FLT1: variants seen among roughly 807,000 people sequenced by gnomAD.
FLT1 encodes the protein vascular endothelial growth factor receptor 1.
Under a neutral mutation model 156.3 loss-of-function variants are expected in FLT1, and 49 were observed. The ratio of observed to expected loss-of-function variants is 0.31; its 90% CI spans 0.25 to 0.40. The LOEUF (loss-of-function observed/expected upper bound fraction) is 0.40. Among genes scored for constraint, FLT1 ranks in the 10% least tolerant of loss-of-function variants. FLT1 has a pLI of 1.00. For missense variants in FLT1, 1,322 were observed against 1,637.2 expected (o/e 0.81, Z 3.32); for synonymous variants, 594 against 583.8 (o/e 1.02, Z -0.25).
At chr13:28,450,870 C>T (rs1461416563) in intron 3 of FLT1, among the ~76,000 whole-genome samples, 1 of 152,150 alleles carries the variant, frequency 6.6e-6, no homozygotes, top group African/African-American at 2.4e-5. Flanking sequence ...TAGTCTCCCT[C>T]CACCACACCA....
intron 12 of FLT1, among the ~76,000 whole-genome samples, chr13:28,394,132 A>T (rs2137467421): frequency 6.6e-6 from 1 of 152,352 alleles, no homozygotes; most frequent in Non-Finnish European, 1.5e-5. Flanking sequence ...GAGAAAGATA[A>T]TAATTATTTA....
chr13:28,433,162 C>A (rs1417353680), intron 6 of FLT1, among the ~76,000 whole-genome samples: 2 of 152,172 alleles, frequency 1.3e-5, no homozygotes, highest in Admixed American at 6.5e-5. Flanking sequence ...GAAATGGGGG[C>A]TAGAACTACT....
intron 11 of FLT1, among the ~76,000 whole-genome samples, chr13:28,405,161 T>C (rs545911072): frequency 6.6e-6 from 1 of 152,248 alleles, no homozygotes; most frequent in African/African-American, 2.4e-5. Context: ...CTGACAGGCT[T>C]GTTAGCTATT....
intron 10 of FLT1, among the ~76,000 whole-genome samples, chr13:28,412,381 T>TTTCTTTCTTCCTTTCTTTCC: frequency 1.1e-5 from 1 of 88,208 alleles, no homozygotes; most frequent in Non-Finnish European, 2.5e-5. Flanking sequence ...TCTTTCTTTC[T>TTTCTTTCTTCCTTTCTTTCC]TTCTTTCTTT....
chr13:28,384,159 C>T (rs981032576), intron 14 of FLT1, among the ~76,000 whole-genome samples: 10 of 152,096 alleles, frequency 6.6e-5, no homozygotes, highest in Admixed American at 2.6e-4. Context: ...ACTGGCCAGA[C>T]GCAGTGGCAT....
chr13:28,372,566 GTATATA>G (rs57608920), intron 14 of FLT1, among the ~76,000 whole-genome samples: 9,879 of 91,214 alleles, frequency 0.11, 738 homozygotes, highest in African/African-American at 0.13. Context: ...TAAATAAAAT[GTATATA>G]TATATATATA....
At chr13:28,386,086 C>T in intron 13 of FLT1, 1 of 1,054,662 alleles carries the variant, frequency 9.5e-7, no homozygotes, top group Non-Finnish European at 1.1e-6. Flanking sequence ...TTCAATTATA[C>T]AGTATGAGCT....
chr13:28,361,963 C>G (rs1012092318), intron 14 of FLT1, among the ~76,000 whole-genome samples: 2 of 152,154 alleles, frequency 1.3e-5, no homozygotes, highest in African/African-American at 4.8e-5. Context: ...GAGAATACAG[C>G]TGGACTGGAA....
At chr13:28,355,686 A>G (rs1446778361) in intron 15 of FLT1, among the ~76,000 whole-genome samples, 2 of 152,188 alleles carry the variant, frequency 1.3e-5, no homozygotes, top group Admixed American at 1.3e-4. Flanking sequence ...AACAGAGGCC[A>G]CGCTTGGCGT....
chr13:28,302,844 G>C lies in FLT1; in HGVS notation c.*323C>G, dbSNP rs1870567816. The C allele has an allele frequency of 2.3e-6, 1 of 437,992 alleles. No homozygotes were observed. Among genetic ancestry groups the C allele is most frequent in the Non-Finnish European group, 4.2e-6 (1 of 236,832 alleles). The allele number at this position is 437,992 out of a possible 1,614,324, so 27.1% of individuals were successfully genotyped here. On this transcript the variant is annotated 3_prime_UTR_variant, in exon 30 of 30. Transcript: ENST00000282397. ...CGTGATGCATTGGGTGATCAGTGCA[G>C]CTCCTCAATCAAACTGGTCCTGCGT...
At chr13:28,418,216 C>T (rs558659215) in intron 10 of FLT1, among the ~76,000 whole-genome samples, 1 of 152,300 alleles carries the variant, frequency 6.6e-6, no homozygotes, top group South Asian at 2.1e-4. Context: ...GCTCATCCCA[C>T]TGGAGTTTAT....
chr13:28,306,281 G>C (rs1046664385), intron 29 of FLT1, among the ~76,000 whole-genome samples: 2 of 152,158 alleles, frequency 1.3e-5, no homozygotes, highest in African/African-American at 4.8e-5. Flanking sequence ...TCTTAGCCCC[G>C]GAAAACAGTA....
intron 1 of FLT1, among the ~76,000 whole-genome samples, chr13:28,476,033 T>C: frequency 6.6e-6 from 1 of 152,170 alleles, no homozygotes; most frequent in East Asian, 1.9e-4. Flanking sequence ...GATACTAATT[T>C]TTAAAATGTC....
At chr13:28,308,523 G>A (rs1870848020) in intron 28 of FLT1, 1 of 385,578 alleles carries the variant, frequency 2.6e-6, no homozygotes, top group African/African-American at 2.1e-5. Context: ...ACACAGCTGG[G>A]AGTTCCTCTG....
chr13:28,424,568 T>G (rs941255572), intron 10 of FLT1, among the ~76,000 whole-genome samples: 3 of 152,246 alleles, frequency 2.0e-5, no homozygotes, highest in Admixed American at 6.5e-5. Context: ...TCTGAACCTC[T>G]TTCTATAGTA....
At chr13:28,464,580 ATAAAAG>A (rs1879752184) in intron 3 of FLT1, among the ~76,000 whole-genome samples, 1 of 152,276 alleles carries the variant, frequency 6.6e-6, no homozygotes. Flanking sequence ...CACATTGCAG[ATAAAAG>A]TAACCAGGAC....
At chr13:28,424,803 G>A (rs1181922876) in intron 10 of FLT1, among the ~76,000 whole-genome samples, 1 of 152,180 alleles carries the variant, frequency 6.6e-6, no homozygotes, top group African/African-American at 2.4e-5. Flanking sequence ...ATAGACACCA[G>A]TATGCAAATA....
At chr13:28,492,883 A>C (rs79377967) in intron 1 of FLT1, among the ~76,000 whole-genome samples, 2 of 152,212 alleles carry the variant, frequency 1.3e-5, no homozygotes, top group Non-Finnish European at 2.9e-5. Context: ...TGTTCTGTTA[A>C]CTGTTAGGTA....
intron 19 of FLT1, 99 bp downstream of exon 19, chr13:28,329,516 G>T: frequency 2.3e-6 from 2 of 859,656 alleles, no homozygotes; most frequent in South Asian, 1.4e-5. Flanking sequence ...TCCTGGAGGC[G>T]AGGAAGCACA....
Sources: gnomAD v4.1 joint callset for allele counts (sites outside exome capture counted in the v4.1 genomes callset) on GRCh38, gnomAD v4.1.1 for gene constraint, MANE v1.5 for transcripts, NCBI Gene and HGNC (gene_info 2026-07-23, HGNC 2026-07-21) for gene names.